The following TENM1 variants were observed in gnomAD, a reference collection of about 807,000 sequenced individuals.
TENM1 encodes the protein teneurin-1.
Under a neutral mutation model 174.8 loss-of-function variants are expected in TENM1, and 35 were observed. That is an observed-to-expected ratio of 0.20 (90% confidence interval 0.15 to 0.27). The LOEUF is 0.27. Ranked by LOEUF, TENM1 falls within the 10% of genes least tolerant of loss-of-function variation. TENM1 has a pLI of 1.00. For missense variants in TENM1, 1,633 were observed against 2,130.1 expected (o/e 0.77, Z 4.59); for synonymous variants, 781 against 798.7 (o/e 0.98, Z 0.37).
At chrX:124,748,423 G>A (rs1004354112) in intron 3 of TENM1, among the ~76,000 whole-genome samples, 13 of 110,280 alleles carry the variant, frequency 1.2e-4, no homozygotes, top group Non-Finnish European at 2.3e-4. Context: ...AAGGTCAAGT[G>A]CTGTCTACTA....
intron 23 of TENM1, among the ~76,000 whole-genome samples, chrX:124,423,072 T>C (rs887970999): frequency 1.2e-4 from 13 of 112,168 alleles, no homozygotes; most frequent in Non-Finnish European, 2.3e-4. Flanking sequence ...GGAATTCCGG[T>C]AGCTATGATA....
chrX:124,746,779 A>C (rs1345357627), intron 3 of TENM1, among the ~76,000 whole-genome samples: 1 of 111,227 alleles, frequency 9.0e-6, no homozygotes, highest in African/African-American at 3.3e-5. Flanking sequence ...CAATTAGGAA[A>C]TATACTGATC....
At chrX:125,151,812 C>T in the TENM1 span, among the ~76,000 whole-genome samples, 1 of 111,520 alleles carries the variant, frequency 9.0e-6, no homozygotes, top group East Asian at 2.8e-4. Flanking sequence ...TGCTAAATAT[C>T]CTACAATGCA....
chrX:124,807,909 A>G (rs1368854084), intron 3 of TENM1, among the ~76,000 whole-genome samples: 1 of 110,405 alleles, frequency 9.1e-6, no homozygotes, highest in Non-Finnish European at 1.9e-5. Flanking sequence ...ACACACACAC[A>G]CACACACACA....
the TENM1 span, among the ~76,000 whole-genome samples, chrX:124,990,025 C>A: frequency 9.0e-6 from 1 of 111,308 alleles, no homozygotes; most frequent in African/African-American, 3.3e-5. Context: ...TGACTATGTG[C>A]GTATGTCTCA....
intron 3 of TENM1, among the ~76,000 whole-genome samples, chrX:124,738,904 C>A (rs184011891): frequency 8.9e-6 from 1 of 112,487 alleles, no homozygotes; most frequent in Admixed American, 9.4e-5. Flanking sequence ...CATCTCTTGA[C>A]TCTCTGGCTA....
At chrX:125,013,453 TA>T in the TENM1 span, among the ~76,000 whole-genome samples, 1 of 111,661 alleles carries the variant, frequency 9.0e-6, no homozygotes, top group African/African-American at 3.2e-5. Flanking sequence ...GCAATAACCT[TA>T]AAATGTATAA....
chrX:124,838,729 GTGA>G, intron 3 of TENM1, among the ~76,000 whole-genome samples: 1 of 111,169 alleles, frequency 9.0e-6, no homozygotes, highest in East Asian at 2.8e-4. Flanking sequence ...TGACGTGTTG[GTGA>G]TGATATGGGA....
At chrX:124,750,425 A>T (rs1224069368) in intron 3 of TENM1, among the ~76,000 whole-genome samples, 1 of 112,063 alleles carries the variant, frequency 8.9e-6, no homozygotes, top group Non-Finnish European at 1.9e-5. Context: ...CATGAAAAAA[A>T]TAACATGAAT....
At chrX:125,159,605 G>A in the TENM1 span, among the ~76,000 whole-genome samples, 3 of 111,981 alleles carry the variant, frequency 2.7e-5, no homozygotes, top group Non-Finnish European at 5.6e-5. Context: ...TCCTGAGTCA[G>A]TACCTGAAAA....
At chrX:124,634,326 T>C (rs986973968) in intron 11 of TENM1, among the ~76,000 whole-genome samples, 2 of 111,580 alleles carry the variant, frequency 1.8e-5, no homozygotes, top group Non-Finnish European at 3.8e-5. Context: ...ATAGAAACTT[T>C]TTTTTTCTGA....
At chrX:124,449,084 G>A (rs2147832767) in intron 23 of TENM1, among the ~76,000 whole-genome samples, 1 of 112,151 alleles carries the variant, frequency 8.9e-6, no homozygotes, top group South Asian at 3.8e-4. Flanking sequence ...GTGGATAGCA[G>A]CAGAGTTACT....
chrX:124,771,762 G>A (rs1459745994), intron 3 of TENM1, among the ~76,000 whole-genome samples: 1 of 111,912 alleles, frequency 8.9e-6, no homozygotes, highest in Non-Finnish European at 1.9e-5. Flanking sequence ...AAATTCAAAG[G>A]TGTGAGTCAT....
chrX:124,906,369 T>C (rs1289355908), intron 1 of TENM1, among the ~76,000 whole-genome samples: 1 of 112,095 alleles, frequency 8.9e-6, no homozygotes, highest in Non-Finnish European at 1.9e-5. Flanking sequence ...CCATTGTAAG[T>C]TGGGGACTGT....
chrX:124,413,093 A>G (rs1053095636), intron 25 of TENM1, among the ~76,000 whole-genome samples: 9 of 111,964 alleles, frequency 8.0e-5, no homozygotes, highest in Admixed American at 6.6e-4. Flanking sequence ...GATAAGGCTT[A>G]TACAATAAAG....
the TENM1 span, among the ~76,000 whole-genome samples, chrX:125,159,489 C>A: frequency 8.9e-6 from 1 of 111,899 alleles, no homozygotes; most frequent in Non-Finnish European, 1.9e-5. Flanking sequence ...TCACAGTAAC[C>A]AATAGATCAG....
chrX:124,540,818 C>G (rs73550498), intron 15 of TENM1, among the ~76,000 whole-genome samples: 1,777 of 111,532 alleles, frequency 0.016, 34 homozygotes, highest in African/African-American at 0.054. Flanking sequence ...GGTTTTCTTG[C>G]GAGACAGAAT....
intron 1 of TENM1, among the ~76,000 whole-genome samples, chrX:124,897,963 C>T (rs141989710): frequency 0.021 from 2,324 of 112,415 alleles, 28 homozygotes; most frequent in Middle Eastern, 0.042. Flanking sequence ...CTCTTAATTT[C>T]ACAATGTTTC....
the TENM1 span, among the ~76,000 whole-genome samples, chrX:125,190,895 C>G: frequency 3.6e-5 from 4 of 110,786 alleles, no homozygotes; most frequent in Non-Finnish European, 7.6e-5. Context: ...TTTTTCAAGT[C>G]TTTTTTCTTT....
Sources: allele counts gnomAD v4.1 joint callset (sites outside exome capture counted in the v4.1 genomes callset), GRCh38; gene constraint gnomAD v4.1.1; transcripts MANE v1.5; gene names NCBI Gene and HGNC (gene_info 2026-07-23, HGNC 2026-07-21).